Variants in TMEM138 observed in about 807,000 individuals in gnomAD.
TMEM138 encodes transmembrane protein 138.
Under a neutral mutation model 18.1 loss-of-function variants are expected in TMEM138, and 9 were observed. The observed-to-expected ratio is 0.50, with a 90% CI of 0.30 to 0.87. The LOEUF (loss-of-function observed/expected upper bound fraction) is 0.87. TMEM138 is among the 40% of genes least tolerant of loss of function. The probability of loss-of-function intolerance (pLI) is 0.06; values close to 1 mark genes in which losing one functional copy is unlikely to be tolerated. For missense variants in TMEM138, 189 were observed against 190.6 expected, an observed-to-expected ratio of 0.99 and a Z score of 0.05; for synonymous variants, 79 against 74.8, an observed-to-expected ratio of 1.06 and a Z score of -0.29.
chr11:61,373,835 A>T (rs1477959315), downstream of TMEM138, among the ~76,000 whole-genome samples: 1 of 151,070 alleles, frequency 6.6e-6, no homozygotes, highest in Admixed American at 6.6e-5. Context: ...ATTATTTTTT[A>T]TTTTTTATTT....
downstream of TMEM138, among the ~76,000 whole-genome samples, chr11:61,373,826 T>A (rs931019888): frequency 6.6e-6 from 1 of 151,518 alleles, no homozygotes; most frequent in African/African-American, 2.4e-5. Flanking sequence ...ACTCCTATAA[T>A]TATTTTTTAT....
At chr11:61,374,366 G>A (rs1858408331), downstream of TMEM138, among the ~76,000 whole-genome samples, 1 of 151,630 alleles carries the variant, frequency 6.6e-6, no homozygotes, top group South Asian at 2.1e-4. Context: ...GGCTAGGCTG[G>A]TCTCAAACTC....
At chr11:61,368,084 G>C in intron 4 of TMEM138, 86 bp downstream of exon 4, 1 of 937,130 alleles carries the variant, frequency 1.1e-6, no homozygotes. Context: ...TCCCAGACCT[G>C]TCCCAGCTGG....
chr11:61,371,894 G>A (rs1024467667), downstream of TMEM138, among the ~76,000 whole-genome samples: 3 of 152,078 alleles, frequency 2.0e-5, no homozygotes, highest in South Asian at 2.1e-4. Context: ...GGTTAAATTT[G>A]GGCCGGGCAC....
In TMEM138 at chr11:61,362,396, T is replaced by A. The variant is rs886048407; in HGVS notation, c.-164T>A. On this transcript the variant is annotated 5_prime_UTR_variant, in exon 1 of 5. It removes an upstream start codon present in the reference 5' UTR. Transcript: ENST00000278826. ...TCCGGAAGCCGGGACGATGTCCGCA[T>A]GACAACCGACGTTGGAGTTTGGAGG... The A allele has an allele frequency of 6.6e-6, 1 of 152,230 alleles. No homozygotes were observed. The highest frequency in any genetic ancestry group is 6.5e-5 in the Admixed American group (1 of 15,282). 9.4% of individuals were successfully genotyped at this position (152,230 alleles called of 1,614,324 possible).
At chr11:61,370,716 G>A (rs1326549284), downstream of TMEM138, among the ~76,000 whole-genome samples, 1 of 152,162 alleles carries the variant, frequency 6.6e-6, no homozygotes, top group African/African-American at 2.4e-5. Context: ...TTTTTAAGAA[G>A]GGTCAGATAG....
At chr11:61,371,017 C>G (rs1224469282), downstream of TMEM138, among the ~76,000 whole-genome samples, 13 of 152,072 alleles carry the variant, frequency 8.5e-5, no homozygotes, top group Non-Finnish European at 1.6e-4. Flanking sequence ...ACACCGCCCC[C>G]CTCTCCCAAA....
At chr11:61,366,466 C>T in intron 3 of TMEM138, 2 of 394,210 alleles carry the variant, frequency 5.1e-6, no homozygotes, top group Non-Finnish European at 8.9e-6. Flanking sequence ...CTTTTCTTTT[C>T]TTTTCTTTTT....
In TMEM138 at chr11:61,364,405, T is replaced by G. The variant is rs1394750624; in HGVS notation, c.15T>G (p.Ser5Arg). Residue 5 changes from serine to arginine, a missense_variant, in exon 2 of 5, where the codon AGT becomes AGG. By Grantham distance (110) the Ser-to-Arg change is moderately radical. Coordinates refer to ENST00000278826, the MANE Select transcript of TMEM138 (RefSeq NM_016464.5). MLQT[S>R]NYSLVLSLQF... is the part of the protein sequence containing the mutation. ...ACAGAAGGAAGATGCTCCAGACCAGTAACTACAGCCTGGTGCTCTCTCTGC... is the reference window on the plus strand; with the variant it reads ...ACAGAAGGAAGATGCTCCAGACCAGGAACTACAGCCTGGTGCTCTCTCTGC... The G allele has an allele frequency of 6.2e-7, 1 of 1,614,128 alleles. No homozygotes were observed.
At chr11:61,368,253 C>T (rs1858223776) in intron 4 of TMEM138, 1 of 595,874 alleles carries the variant, frequency 1.7e-6, no homozygotes. Flanking sequence ...TTGAGACAGT[C>T]TTGCTCTGTC....
chr11:61,371,187 G>A (rs958921808), downstream of TMEM138, among the ~76,000 whole-genome samples: 8 of 151,984 alleles, frequency 5.3e-5, no homozygotes, highest in Admixed American at 3.3e-4. Context: ...GGCACGTGCC[G>A]CCACGCCCAG....
At chr11:61,365,963 C>G (rs1186145944) in intron 2 of TMEM138, 82 bp from the exon 3 acceptor site, 5 of 1,500,386 alleles carry the variant, frequency 3.3e-6, no homozygotes, top group East Asian at 4.8e-5. Flanking sequence ...GGACAGGCCT[C>G]GTGGTGTCCC....
At chr11:61,373,081 G>A (rs1397112396), downstream of TMEM138, among the ~76,000 whole-genome samples, 2 of 152,110 alleles carry the variant, frequency 1.3e-5, no homozygotes, top group African/African-American at 4.8e-5. Flanking sequence ...AGCAAGTCCT[G>A]CTAAATGTTA....
chr11:61,375,044 G>A (rs999515546), downstream of TMEM138, among the ~76,000 whole-genome samples: 2 of 152,054 alleles, frequency 1.3e-5, no homozygotes, highest in African/African-American at 2.4e-5. Context: ...CAGAATAGAG[G>A]AAAAACTTTC....
intron 4 of TMEM138, 122 bp from the exon 5 acceptor site, chr11:61,368,475 C>G: frequency 1.5e-6 from 1 of 645,430 alleles, no homozygotes; most frequent in Non-Finnish European, 2.8e-6. Flanking sequence ...ATCCGCCTGC[C>G]TCTGCCTCCT....
rs745506522 is a variant in TMEM138 at position 61,368,677 on chromosome 11, C to G, written c.457C>G (p.Leu153Val). ...DPHFYQDSLW[L>V]RKEFMQVRR ...TCACTTCTACCAGGACTCTTTGTGG[C>G]TGCGCAAGGAGTTCATGCAAGTTCG... Residue 153 changes from leucine to valine, a missense_variant, in exon 5 of 5, where the codon CTG becomes GTG. Transcript: ENST00000278826. 29 of 1,613,944 alleles carry G rather than the reference C, an allele frequency of 1.8e-5. 1 individual carries two copies. The South Asian group carries it at 2.9e-4, about 16-fold the overall frequency.
chr11:61,373,649 C>T (rs1012187411), downstream of TMEM138, among the ~76,000 whole-genome samples: 1 of 151,574 alleles, frequency 6.6e-6, no homozygotes, highest in Non-Finnish European at 1.5e-5. Context: ...CCTAATTAAT[C>T]CTTTAACATA....
rs1265974880 is a variant in TMEM138 at position 61,369,218 on chromosome 11, AGTCT to A, written c.*518_*521del. ...TGAATTCTTGTTCCATAAATGGGGG[AGTCT>A]GTCTGTCTAGCTAGATCTCTTCATG... On this transcript the variant is annotated 3_prime_UTR_variant, in exon 5 of 5. Coordinates refer to ENST00000278826, the MANE Select transcript of TMEM138 (RefSeq NM_016464.5). The A allele has an allele frequency of 6.4e-6, 1 of 156,248 alleles. No homozygotes were observed. The highest frequency in any genetic ancestry group is 1.4e-5 in the Non-Finnish European group (1 of 70,394). 9.7% of individuals were successfully genotyped at this position (156,248 alleles called of 1,614,324 possible).
At chr11:61,362,631 T>G (rs904172524) in intron 1 of TMEM138, 1 of 151,966 alleles carries the variant, frequency 6.6e-6, no homozygotes, top group African/African-American at 2.4e-5. Context: ...AGCTTGTGAG[T>G]CTCCACTGCC....
Sources: allele counts gnomAD v4.1 joint callset (sites outside exome capture counted in the v4.1 genomes callset), GRCh38; gene constraint gnomAD v4.1.1; transcripts MANE v1.5; gene names NCBI Gene and HGNC (gene_info 2026-07-23, HGNC 2026-07-21).